MNS1: variants seen among roughly 807,000 people sequenced by gnomAD.
MNS1 encodes the protein meiosis-specific nuclear structural protein 1.
In MNS1, 63 loss-of-function variants were observed where a neutral mutation model predicts 72.0. That is an observed-to-expected ratio of 0.87 (90% CI 0.71 to 1.08). MNS1 has a LOEUF of 1.08. Ranked by LOEUF, MNS1 falls within the 50% of genes least tolerant of loss-of-function variation. The pLI is 0.00. For missense variants in MNS1, 604 were observed against 562.4 expected, an observed-to-expected ratio of 1.07 and a Z score of -0.75; for synonymous variants, 188 against 172.1, an observed-to-expected ratio of 1.09 and a Z score of -0.72.
chr15:56,463,908 C>G (rs776852474), intron 2 of MNS1, 118 bp downstream of exon 2: 208 of 791,436 alleles, frequency 2.6e-4, no homozygotes, highest in Non-Finnish European at 3.9e-4. Context: ...GAGGCACAAT[C>G]AGGCATCACT....
At chr15:56,464,866 T>A in intron 1 of MNS1, 104 bp downstream of exon 1, 1 of 1,490,264 alleles carries the variant, frequency 6.7e-7, no homozygotes, top group Admixed American at 1.9e-5. Context: ...CCCCAATTAA[T>A]GACCAGATTA....
chr15:56,429,036 A>C lies in MNS1; in HGVS notation c.*65T>G. 9.4e-7 allele frequency: 1 copy of C among 1,061,490 alleles called. No homozygotes were observed. The highest frequency in any genetic ancestry group is 1.4e-6 in the Non-Finnish European group (1 of 734,002). The allele number at this position is 1,061,490 out of a possible 1,614,324, so 65.8% of individuals were successfully genotyped here. A position where few individuals can be genotyped will look rare whatever the true frequency, so the allele number is the denominator to read the frequency against. On this transcript the variant is annotated 3_prime_UTR_variant, in exon 10 of 10. Transcript: ENST00000260453. Reference sequence around the variant, plus strand: ...ACCTAATGCCACTGAACTGTAAAACAAAAGTTATGCTGACATCTAGTGGTA... The same window carrying C: ...ACCTAATGCCACTGAACTGTAAAACCAAAGTTATGCTGACATCTAGTGGTA...
chr15:56,445,108 A>G (rs568714902), intron 4 of MNS1, among the ~76,000 whole-genome samples: 103 of 152,038 alleles, frequency 6.8e-4, no homozygotes, highest in Non-Finnish European at 1.2e-3. Flanking sequence ...CAGGTCTGCT[A>G]TTAAATGGCT....
chr15:56,433,262 TG>T (rs1169384436), intron 8 of MNS1, among the ~76,000 whole-genome samples: 30 of 70,380 alleles, frequency 4.3e-4, no homozygotes, highest in African/African-American at 1.5e-3. Context: ...TGTCGGGGGG[TG>T]GGGGGGACAA....
At chr15:56,457,009 T>G (rs893318034) in intron 2 of MNS1, among the ~76,000 whole-genome samples, 1 of 152,206 alleles carries the variant, frequency 6.6e-6, no homozygotes, top group Non-Finnish European at 1.5e-5. Context: ...ATTCAAGCTT[T>G]CCCAATTGTC....
At chr15:56,438,761 T>C (rs1279600750) in intron 7 of MNS1, among the ~76,000 whole-genome samples, 1 of 152,088 alleles carries the variant, frequency 6.6e-6, no homozygotes, top group African/African-American at 2.4e-5. Context: ...CAAGGGGTAA[T>C]ATCCAGAATC....
chr15:56,463,925 C>T, intron 2 of MNS1, 101 bp downstream of exon 2: 1 of 933,386 alleles, frequency 1.1e-6, no homozygotes, highest in Non-Finnish European at 1.6e-6. Flanking sequence ...CACTTACCTG[C>T]TGCTGTTGTT....
chr15:56,463,621 A>C (rs1249611879), intron 2 of MNS1, among the ~76,000 whole-genome samples: 2 of 152,142 alleles, frequency 1.3e-5, no homozygotes, highest in Admixed American at 6.5e-5. Context: ...GTCTCTACTA[A>C]AAATTAAAAA....
chr15:56,441,667 A>G (rs2140352050), intron 7 of MNS1, among the ~76,000 whole-genome samples: 1 of 152,328 alleles, frequency 6.6e-6, no homozygotes, highest in African/African-American at 2.4e-5. Flanking sequence ...GCATCTGACA[A>G]AGGTCTAATA....
At chr15:56,464,805 G>T (rs2051047914) in intron 1 of MNS1, among the ~76,000 whole-genome samples, 165 bp downstream of exon 1, 1 of 152,118 alleles carries the variant, frequency 6.6e-6, no homozygotes, top group Non-Finnish European at 1.5e-5. Flanking sequence ...GGAAACCACC[G>T]CGAGCGTCCC....
chr15:56,434,072 T>C, intron 8 of MNS1, 66 bp downstream of exon 8: 1 of 1,494,070 alleles, frequency 6.7e-7, no homozygotes. Flanking sequence ...AAATGTTTAG[T>C]GGATGATAGA....
chr15:56,444,873 A>G (rs924465737), intron 4 of MNS1, among the ~76,000 whole-genome samples, 200 bp from the exon 5 acceptor site: 73 of 152,058 alleles, frequency 4.8e-4, no homozygotes, highest in Non-Finnish European at 6.6e-4. Context: ...CAGCTTTCCT[A>G]TCCCTTCAAG....
chr15:56,434,063 A>T (rs1341501494), intron 8 of MNS1, 75 bp downstream of exon 8: 1 of 1,454,694 alleles, frequency 6.9e-7, no homozygotes, highest in Non-Finnish European at 9.3e-7. Context: ...CTTCTCAGTA[A>T]ATGTTTAGTG....
intron 2 of MNS1, among the ~76,000 whole-genome samples, chr15:56,461,975 G>GTTGTTTTTTTTTTTTTTTTTT (rs1555449789): frequency 1.0e-5 from 1 of 97,914 alleles, no homozygotes; most frequent in African/African-American, 3.8e-5. Flanking sequence ...TTTTGTTGTT[G>GTTGTTTTTTTTTTTTTTTTTT]TTTTTTTTTT....
intron 3 of MNS1, among the ~76,000 whole-genome samples, chr15:56,454,234 A>T (rs1049084012): frequency 6.6e-6 from 1 of 152,168 alleles, no homozygotes; most frequent in African/African-American, 2.4e-5. Context: ...GGTACACAGT[A>T]TATATTTGTA....
At chr15:56,464,318 T>G in intron 1 of MNS1, 71 bp from the exon 2 acceptor site, 1 of 1,087,094 alleles carries the variant, frequency 9.2e-7, no homozygotes, top group South Asian at 1.5e-5. Flanking sequence ...TGTATTGATA[T>G]AAACCTTAGT....
intron 2 of MNS1, among the ~76,000 whole-genome samples, chr15:56,460,397 C>T (rs1428958587): frequency 2.0e-5 from 3 of 152,084 alleles, no homozygotes; most frequent in Non-Finnish European, 2.9e-5. Flanking sequence ...CCACATTCCT[C>T]TCAAGGCTAA....
intron 4 of MNS1, among the ~76,000 whole-genome samples, chr15:56,445,400 C>T (rs1294521234): frequency 6.6e-6 from 1 of 151,934 alleles, no homozygotes; most frequent in African/African-American, 2.4e-5. Flanking sequence ...TTTTAAACTA[C>T]GCTTTACTTT....
In MNS1 at chr15:56,443,895, A is replaced by C. The variant is rs768461448; in HGVS notation, c.687-41T>G. 7 of 1,385,328 alleles carry C rather than the reference A, an allele frequency of 5.1e-6. No homozygotes were observed. The African/African-American group carries it at 1.0e-4, about 20-fold the overall frequency. The allele number at this position is 1,385,328 out of a possible 1,614,324, so 85.8% of individuals were successfully genotyped here. ...AAGTACAGATTTATAGTAAACAATAAAATATAAAAAAGTAATTTCATTTTG... is the reference window on the plus strand; with the variant it reads ...AAGTACAGATTTATAGTAAACAATACAATATAAAAAAGTAATTTCATTTTG... On this transcript the variant is annotated intron_variant, in intron 5 of 9. Transcript: ENST00000260453.
Sources: allele counts gnomAD v4.1 joint callset (sites outside exome capture counted in the v4.1 genomes callset), GRCh38; gene constraint gnomAD v4.1.1; transcripts MANE v1.5; gene names NCBI Gene and HGNC (gene_info 2026-07-23, HGNC 2026-07-21).